Variants in RBFOX1 observed in about 807,000 individuals in gnomAD.
RBFOX1 encodes RNA binding fox-1 homolog 1.
RBFOX1 carries 8 observed loss-of-function variants against 57.7 expected under a neutral mutation model. The observed-to-expected ratio is 0.14, with a 90% CI of 0.08 to 0.25. RBFOX1 has a LOEUF of 0.25. RBFOX1 is among the 10% of genes least tolerant of loss of function. The probability of loss-of-function intolerance (pLI) is 1.00; values close to 1 mark genes in which losing one functional copy is unlikely to be tolerated. For synonymous variants in RBFOX1, 326 were observed against 222.4 expected (o/e 1.47, Z -4.15); for missense variants, 611 against 548.5 (o/e 1.11, Z -1.14).
chr16:7,539,165 C>T lies in RBFOX1; in HGVS notation c.270+20776C>T, dbSNP rs531464235. On this transcript the variant is annotated intron_variant, in intron 5 of 15. Coordinates refer to ENST00000550418, the MANE Select transcript of RBFOX1 (RefSeq NM_018723.4). ...GGAGATATGACAAAGAATGTGAAACCGTCTTGAGTCCACCATGATACTTTT... is the reference window on the plus strand; with the variant it reads ...GGAGATATGACAAAGAATGTGAAACTGTCTTGAGTCCACCATGATACTTTT... 2.4e-4 allele frequency among the ~76,000 whole-genome samples: 36 copies of T among 152,164 alleles called. 1 individual carries two copies. The South Asian group carries it at 6.2e-3, about 26-fold the overall frequency.
At chr16:6,080,471 C>T (rs533932213) in intron 1 of RBFOX1, among the ~76,000 whole-genome samples, 1 of 152,290 alleles carries the variant, frequency 6.6e-6, no homozygotes, top group South Asian at 2.1e-4. Context: ...GCCAGCAAAA[C>T]AGGTGTGATC....
At chr16:7,077,587 C>T (rs767329264) in intron 4 of RBFOX1, among the ~76,000 whole-genome samples, 3 of 152,126 alleles carry the variant, frequency 2.0e-5, no homozygotes, top group Non-Finnish European at 2.9e-5. Flanking sequence ...CTGCTAAGTT[C>T]CTCAGCAAAT....
chr16:6,077,998 T>C (rs79770742), intron 1 of RBFOX1, among the ~76,000 whole-genome samples: 3,730 of 152,196 alleles, frequency 0.025, 155 homozygotes, highest in African/African-American at 0.085. Context: ...AATTCCCGGG[T>C]AGATGTATCT....
intron 2 of RBFOX1, among the ~76,000 whole-genome samples, chr16:6,646,077 A>G (rs559608099): frequency 7.0e-5 from 9 of 129,014 alleles, no homozygotes; most frequent in African/African-American, 2.7e-4. Flanking sequence ...ATGAGTCCAC[A>G]GCTCAAAATT....
intron 13 of RBFOX1, among the ~76,000 whole-genome samples, chr16:7,667,045 T>C (rs903620668): frequency 6.6e-6 from 1 of 152,202 alleles, no homozygotes; most frequent in Non-Finnish European, 1.5e-5. Context: ...CTTTATATTA[T>C]AATGACAATA....
intron 2 of RBFOX1, among the ~76,000 whole-genome samples, chr16:6,409,848 C>T (rs1452953100): frequency 6.6e-6 from 1 of 152,160 alleles, no homozygotes; most frequent in Non-Finnish European, 1.5e-5. Context: ...CTGAGATAAT[C>T]ATTTTGTCCT....
intron 3 of RBFOX1, among the ~76,000 whole-genome samples, chr16:6,808,963 C>A (rs373198282): frequency 6.6e-6 from 1 of 152,158 alleles, no homozygotes; most frequent in South Asian, 2.1e-4. Flanking sequence ...ATATTTGAGT[C>A]CTTGTGGATG....
chr16:6,881,567 G>A (rs1006641393), intron 3 of RBFOX1, among the ~76,000 whole-genome samples: 1 of 152,140 alleles, frequency 6.6e-6, no homozygotes, highest in Non-Finnish European at 1.5e-5. Context: ...TCCTCTTCCT[G>A]TAAACACTCC....
chr16:7,121,353 T>C (rs1008547465), intron 4 of RBFOX1, among the ~76,000 whole-genome samples: 5 of 152,120 alleles, frequency 3.3e-5, no homozygotes, highest in Non-Finnish European at 4.4e-5. Flanking sequence ...GAATTGTCTA[T>C]TTATAAAATC....
chr16:7,392,183 T>G (rs1165635515), intron 4 of RBFOX1, among the ~76,000 whole-genome samples: 1 of 152,184 alleles, frequency 6.6e-6, no homozygotes, highest in Non-Finnish European at 1.5e-5. Context: ...ACATTGCATT[T>G]TCATAATCAT....
chr16:7,244,268 A>AAC (rs1450045460), intron 4 of RBFOX1, among the ~76,000 whole-genome samples: 6 of 143,998 alleles, frequency 4.2e-5, no homozygotes, highest in African/African-American at 1.6e-4. Flanking sequence ...AAAAAAAAAA[A>AAC]AAACACCCTT....
At chr16:6,235,366 A>C (rs2097497853) in intron 1 of RBFOX1, among the ~76,000 whole-genome samples, 1 of 152,108 alleles carries the variant, frequency 6.6e-6, no homozygotes, top group Non-Finnish European at 1.5e-5. Flanking sequence ...CCTTTCCACC[A>C]GCCCCAGCTG....
intron 4 of RBFOX1, among the ~76,000 whole-genome samples, chr16:5,985,847 A>T (rs1266016145): frequency 6.6e-6 from 1 of 152,146 alleles, no homozygotes; most frequent in East Asian, 1.9e-4. Flanking sequence ...GGTGCTCTAC[A>T]ACCCAAGCAA....
At chr16:5,533,884 G>A (rs2044586527) in intron 2 of RBFOX1, among the ~76,000 whole-genome samples, 1 of 152,144 alleles carries the variant, frequency 6.6e-6, no homozygotes, top group Admixed American at 6.6e-5. Context: ...AGGGGTGTTG[G>A]TCAGAATTCT....
chr16:6,809,411 T>A (rs1182425719), intron 3 of RBFOX1, among the ~76,000 whole-genome samples: 3 of 152,216 alleles, frequency 2.0e-5, no homozygotes, highest in Non-Finnish European at 2.9e-5. Context: ...AATTATTTTT[T>A]AAAATTTTTG....
At chr16:6,935,563 G>C (rs1352006767) in intron 3 of RBFOX1, among the ~76,000 whole-genome samples, 1 of 152,134 alleles carries the variant, frequency 6.6e-6, no homozygotes, top group Non-Finnish European at 1.5e-5. Context: ...GCCAAGATCT[G>C]TTATCCTTGA....
At chr16:7,474,953 A>G in intron 4 of RBFOX1, among the ~76,000 whole-genome samples, 1 of 152,228 alleles carries the variant, frequency 6.6e-6, no homozygotes, top group East Asian at 1.9e-4. Context: ...GCACCAATGC[A>G]GAGCCGCCAT....
intron 2 of RBFOX1, among the ~76,000 whole-genome samples, chr16:5,565,035 A>G (rs2046016625): frequency 6.6e-6 from 1 of 152,196 alleles, no homozygotes; most frequent in African/African-American, 2.4e-5. Context: ...AAAACATGAC[A>G]ACAGTTGTTC....
intron 2 of RBFOX1, among the ~76,000 whole-genome samples, chr16:6,634,396 G>C (rs1041620992): frequency 2.0e-5 from 3 of 151,886 alleles, no homozygotes; most frequent in African/African-American, 7.3e-5. Flanking sequence ...ACCTCCGTGA[G>C]TATGTTTACT....
Sources: allele counts gnomAD v4.1 joint callset (sites outside exome capture counted in the v4.1 genomes callset), GRCh38; gene constraint gnomAD v4.1.1; transcripts MANE v1.5; gene names NCBI Gene and HGNC (gene_info 2026-07-23, HGNC 2026-07-21).